The following LARGE1 variants were observed in gnomAD, a reference collection of about 807,000 sequenced individuals.
LARGE1 encodes the protein LARGE xylosyl- and glucuronyltransferase 1.
LARGE1 carries 43 observed loss-of-function variants against 87.6 expected under a neutral mutation model. The ratio of observed to expected loss-of-function variants is 0.49; its 90% CI spans 0.38 to 0.63. The LOEUF is 0.63. LARGE1 is among the 30% of genes least tolerant of loss of function. The pLI, the probability that LARGE1 is intolerant of heterozygous loss-of-function variation, is 0.00. For missense variants in LARGE1, 802 were observed against 1,000.2 expected (o/e 0.80, Z 2.67); for synonymous variants, 434 against 394.6 (o/e 1.10, Z -1.18).
intron 2 of LARGE1, among the ~76,000 whole-genome samples, chr22:33,710,474 AC>A (rs1445945497): frequency 6.6e-6 from 1 of 152,256 alleles, no homozygotes; most frequent in Admixed American, 6.5e-5. Context: ...CAGAAGCCAT[AC>A]TGTGTGTCAA....
chr22:33,597,985 C>A (rs1285914033), intron 5 of LARGE1, among the ~76,000 whole-genome samples: 1 of 152,160 alleles, frequency 6.6e-6, no homozygotes, highest in Admixed American at 6.5e-5. Flanking sequence ...TCCCTTTCAT[C>A]CCCTACAGGA....
the LARGE1 span, among the ~76,000 whole-genome samples, chr22:33,087,664 G>T: frequency 2.0e-5 from 3 of 152,184 alleles, no homozygotes; most frequent in Admixed American, 2.0e-4. Context: ...GCCGGGCGTG[G>T]TGGCTCAGAT....
chr22:33,665,978 AG>A (rs1034091520), intron 2 of LARGE1, among the ~76,000 whole-genome samples: 7 of 149,678 alleles, frequency 4.7e-5, no homozygotes, highest in Admixed American at 4.7e-4. Flanking sequence ...TGCAAAAAGA[AG>A]TTAAAAAAAA....
chr22:33,785,047 A>G (rs1299200811), intron 1 of LARGE1, among the ~76,000 whole-genome samples: 2 of 149,672 alleles, frequency 1.3e-5, no homozygotes, highest in African/African-American at 4.9e-5. Context: ...ATATGTGTAT[A>G]CATACATGTG....
At chr22:33,190,988 A>G (rs1923746349) in intron 11 of LARGE1, among the ~76,000 whole-genome samples, 2 of 152,212 alleles carry the variant, frequency 1.3e-5, no homozygotes. Flanking sequence ...CACAGCCCTT[A>G]GCATTATGAA....
intron 11 of LARGE1, among the ~76,000 whole-genome samples, chr22:33,315,164 G>T (rs189481212): frequency 1.5e-3 from 230 of 152,266 alleles, no homozygotes; most frequent in African/African-American, 4.9e-3. Context: ...TATGTGACTA[G>T]CTCCATATTC....
chr22:33,875,153 G>A (rs1190046611), intron 1 of LARGE1, among the ~76,000 whole-genome samples: 2 of 152,144 alleles, frequency 1.3e-5, no homozygotes, highest in African/African-American at 2.4e-5. Flanking sequence ...GCCTCCAGAG[G>A]GGCAATTTTA....
intron 1 of LARGE1, among the ~76,000 whole-genome samples, chr22:33,852,618 G>A (rs13058568): frequency 0.18 from 27,798 of 151,808 alleles, 2,727 homozygotes; most frequent in Middle Eastern, 0.27. Context: ...AGGCCAAGGC[G>A]GGCAGATTGC....
chr22:33,381,890 C>T, intron 9 of LARGE1, 29 bp downstream of exon 9: 1 of 1,613,662 alleles, frequency 6.2e-7, no homozygotes, highest in Non-Finnish European at 8.5e-7. Context: ...CTCACCCTAC[C>T]TCCAGGGATG....
At chr22:33,241,342 T>A (rs1926503361) in intron 11 of LARGE1, among the ~76,000 whole-genome samples, 1 of 152,084 alleles carries the variant, frequency 6.6e-6, no homozygotes, top group Non-Finnish European at 1.5e-5. Flanking sequence ...TTGAGTCCCT[T>A]CTCTGTGCTC....
intron 11 of LARGE1, among the ~76,000 whole-genome samples, chr22:33,187,530 T>C (rs1208250231): frequency 1.3e-5 from 2 of 152,038 alleles, no homozygotes; most frequent in Non-Finnish European, 1.5e-5. Flanking sequence ...AGTAGAAGAA[T>C]AGCAAATTTT....
chr22:33,190,351 C>T (rs1239770217), intron 11 of LARGE1, among the ~76,000 whole-genome samples: 1 of 152,180 alleles, frequency 6.6e-6, no homozygotes, highest in Non-Finnish European at 1.5e-5. Context: ...GCTTAGACTA[C>T]AGCCAGACCA....
In LARGE1 at chr22:33,901,821, T is replaced by C. The variant is rs546197786; in HGVS notation, c.-83+18174A>G. 7.5e-4 allele frequency among the ~76,000 whole-genome samples: 114 copies of C among 152,332 alleles called. 1 individual carries two copies. The highest frequency in any genetic ancestry group is 2.6e-3 in the African/African-American group (110 of 41,574). On this transcript the variant is annotated intron_variant, in intron 1 of 14. Coordinates refer to ENST00000397394, the MANE Select transcript of LARGE1 (RefSeq NM_133642.5). ...TACTTTAACCACATCGTATAGCAAATGGCTTTCTAAAATTGTACTGAAATT... is the reference window on the plus strand; with the variant it reads ...TACTTTAACCACATCGTATAGCAAACGGCTTTCTAAAATTGTACTGAAATT...
At chr22:33,174,402 C>T (rs1411200441) in intron 11 of LARGE1, among the ~76,000 whole-genome samples, 1 of 152,006 alleles carries the variant, frequency 6.6e-6, no homozygotes, top group Non-Finnish European at 1.5e-5. Flanking sequence ...GATCTAAAAT[C>T]GACATCCTAA....
chr22:33,352,517 G>T (rs1010375874), intron 9 of LARGE1, among the ~76,000 whole-genome samples: 1 of 152,152 alleles, frequency 6.6e-6, no homozygotes, highest in African/African-American at 2.4e-5. Context: ...ACTCTGGGAG[G>T]CCGAGGTGGG....
At chr22:33,393,242 A>G (rs1349021010) in intron 7 of LARGE1, among the ~76,000 whole-genome samples, 1 of 152,240 alleles carries the variant, frequency 6.6e-6, no homozygotes, top group Admixed American at 6.5e-5. Flanking sequence ...AACATTTCCA[A>G]GAGAAACAGA....
At chr22:33,243,357 A>G (rs570810845) in intron 11 of LARGE1, among the ~76,000 whole-genome samples, 23 of 152,332 alleles carry the variant, frequency 1.5e-4, no homozygotes, top group African/African-American at 5.3e-4. Context: ...ATTTTTTATC[A>G]CCTCAGAAAG....
chr22:33,532,955 A>T (rs1417736517), intron 6 of LARGE1, among the ~76,000 whole-genome samples: 1 of 152,244 alleles, frequency 6.6e-6, no homozygotes. Flanking sequence ...GTTACAGCTC[A>T]AAGTGGTGCG....
At chr22:33,431,813 G>C (rs1364313830) in intron 7 of LARGE1, among the ~76,000 whole-genome samples, 1 of 152,212 alleles carries the variant, frequency 6.6e-6, no homozygotes, top group Non-Finnish European at 1.5e-5. Flanking sequence ...GTTGTGTTAA[G>C]AAACTGAAAT....
Sources: gnomAD v4.1 joint callset for allele counts (sites outside exome capture counted in the v4.1 genomes callset) on GRCh38, gnomAD v4.1.1 for gene constraint, MANE v1.5 for transcripts, NCBI Gene and HGNC (gene_info 2026-07-23, HGNC 2026-07-21) for gene names.